PDS5A: variants seen among roughly 807,000 people sequenced by gnomAD.
The protein encoded by PDS5A is PDS5 cohesin associated factor A, also known as sister chromatid cohesion protein PDS5 homolog A.
A neutral mutation model predicts 167.1 loss-of-function variants in PDS5A; 42 were observed. The observed-to-expected ratio is 0.25, with a 90% confidence interval of 0.20 to 0.33. PDS5A has a LOEUF of 0.33. PDS5A is among the 10% of genes least tolerant of loss of function. The pLI, the probability that PDS5A is intolerant of heterozygous loss-of-function variation, is 1.00. For synonymous variants in PDS5A, 553 were observed against 554.6 expected (o/e 1.00, Z 0.04); for missense variants, 1,033 against 1,605.9 (o/e 0.64, Z 6.10).
intron 2 of PDS5A, among the ~76,000 whole-genome samples, chr4:39,968,028 T>C (rs1475100937): frequency 3.3e-5 from 5 of 152,232 alleles, no homozygotes; most frequent in African/African-American, 1.2e-4. Context: ...AATAGCTCTG[T>C]AGTAATCCAT....
At chr4:39,954,777 T>C (rs1728773278) in intron 2 of PDS5A, among the ~76,000 whole-genome samples, 1 of 150,686 alleles carries the variant, frequency 6.6e-6, no homozygotes, top group Non-Finnish European at 1.5e-5. Context: ...GAGAGCCTCA[T>C]GCCTGTTAAT....
chr4:39,866,070 G>A (rs746431577), intron 23 of PDS5A, among the ~76,000 whole-genome samples: 4 of 152,160 alleles, frequency 2.6e-5, no homozygotes, highest in Non-Finnish European at 4.4e-5. Context: ...AGAACAACAA[G>A]AAGGCTTCAA....
intron 21 of PDS5A, 46 bp from the exon 22 acceptor site, chr4:39,869,508 T>C (rs1465208819): frequency 9.4e-7 from 1 of 1,064,204 alleles, no homozygotes; most frequent in East Asian, 2.5e-5. Context: ...AAAAAAAAAA[T>C]TTATGTTTTT....
At chr4:39,883,440 CAA>C (rs1218069553) in intron 17 of PDS5A, among the ~76,000 whole-genome samples, 1 of 152,216 alleles carries the variant, frequency 6.6e-6, no homozygotes, top group Non-Finnish European at 1.5e-5. Context: ...TTCGGCCTCC[CAA>C]AGTGTTGGGA....
At chr4:39,835,813 G>A (rs1427658842) in intron 32 of PDS5A, among the ~76,000 whole-genome samples, 3 of 152,328 alleles carry the variant, frequency 2.0e-5, no homozygotes, top group Admixed American at 6.5e-5. Flanking sequence ...GTGAGCCACC[G>A]TGCCTGGCCA....
intron 7 of PDS5A, among the ~76,000 whole-genome samples, chr4:39,917,782 C>T (rs1661753168): frequency 1.3e-5 from 2 of 152,136 alleles, no homozygotes; most frequent in Non-Finnish European, 2.9e-5. Context: ...ACCGTGTTGG[C>T]CAGGCTGGTC....
In PDS5A at chr4:39,960,860, T is replaced by C. The variant is rs148854309; in HGVS notation, c.138+15580A>G. On this transcript the variant is annotated intron_variant, in intron 2 of 32. Coordinates refer to ENST00000303538, the MANE Select transcript of PDS5A (RefSeq NM_001100399.2). ...ACACGCCACCAAGTCCAGCTAATTT[T>C]TGTATTTTTAGTAGAGATAGGGTTT... Among the ~76,000 whole-genome samples the C allele has an allele frequency of 3.4e-3, 517 of 152,244 alleles. 1 individual carries two copies. Among genetic ancestry groups the C allele is most frequent in the African/African-American group, 0.012 (483 of 41,548 alleles).
chr4:39,940,153 G>C (rs998662274), intron 2 of PDS5A, among the ~76,000 whole-genome samples: 1 of 150,690 alleles, frequency 6.6e-6, no homozygotes, highest in Non-Finnish European at 1.5e-5. Context: ...AGCTACTTGG[G>C]AGGCTAAATG....
At chr4:39,944,178 C>T (rs377477251) in intron 2 of PDS5A, among the ~76,000 whole-genome samples, 2 of 88,222 alleles carry the variant, frequency 2.3e-5, no homozygotes, top group Admixed American at 2.7e-4. Flanking sequence ...GACTCCGTCT[C>T]AAAAAAAAAA....
In PDS5A at chr4:39,972,834, G is replaced by T. The variant is rs1051355712; in HGVS notation, c.138+3606C>A. 1.1e-3 allele frequency among the ~76,000 whole-genome samples: 162 copies of T among 151,830 alleles called. 14 individuals carry two copies. The highest frequency in any genetic ancestry group is 8.8e-5 in the Non-Finnish European group (6 of 67,980). ...ATTACAAGGAATGCTTTAAATTTTT[G>T]TACTTTGCTGAAAATTATTTTTCCC... is the stretch of plus-strand genomic sequence containing the variant. On this transcript the variant is annotated intron_variant, in intron 2 of 32. Coordinates refer to ENST00000303538, the MANE Select transcript of PDS5A (RefSeq NM_001100399.2).
rs952202346 is a variant in PDS5A, at chr4:39,824,527, T to A, written c.*958A>T. ...GCACAATGCTGAAAATTGATAGCAATCCTAAAACACCTCCAACTTTCCTTA... is the reference window on the plus strand; with the variant it reads ...GCACAATGCTGAAAATTGATAGCAAACCTAAAACACCTCCAACTTTCCTTA... On this transcript the variant is annotated 3_prime_UTR_variant, in exon 33 of 33. Coordinates refer to ENST00000303538, the MANE Select transcript of PDS5A (RefSeq NM_001100399.2). 6.6e-6 allele frequency: 1 copy of A among 152,554 alleles called. No individual in the cohort carries two copies. Among genetic ancestry groups the A allele is most frequent in the Non-Finnish European group, 1.5e-5 (1 of 68,036 alleles). The allele number at this position is 152,554 out of a possible 1,614,324, so 9.5% of individuals were successfully genotyped here. A position where few individuals can be genotyped will look rare whatever the true frequency, so the allele number is the denominator to read the frequency against.
intron 11 of PDS5A, among the ~76,000 whole-genome samples, chr4:39,906,666 C>G (rs559870012): frequency 3.7e-4 from 55 of 150,602 alleles, no homozygotes; most frequent in Admixed American, 1.2e-3. Flanking sequence ...CCTGTAGTAC[C>G]AGCTATTCAG....
intron 26 of PDS5A, among the ~76,000 whole-genome samples, chr4:39,851,382 A>G (rs1465174022): frequency 6.6e-6 from 1 of 150,990 alleles, no homozygotes; most frequent in Admixed American, 6.6e-5. Flanking sequence ...CCCAGCAACC[A>G]TGGTGTCCTG....
At chr4:39,950,077 C>T (rs13150796) in intron 2 of PDS5A, among the ~76,000 whole-genome samples, 3 of 151,794 alleles carry the variant, frequency 2.0e-5, no homozygotes, top group Non-Finnish European at 4.4e-5. Flanking sequence ...GGCTTATTTT[C>T]TATGTTTTTA....
intron 11 of PDS5A, among the ~76,000 whole-genome samples, chr4:39,906,902 T>C (rs1198342519): frequency 7.0e-6 from 1 of 142,232 alleles, no homozygotes; most frequent in East Asian, 2.0e-4. Context: ...CAAAAGCCTT[T>C]TGAGATTTCT....
intron 32 of PDS5A, among the ~76,000 whole-genome samples, chr4:39,836,615 A>ATTTTTTTTTTTTTTTTTTTT (rs71645192): frequency 9.4e-6 from 1 of 106,162 alleles, no homozygotes; most frequent in African/African-American, 3.7e-5. Context: ...ATTTTTTTCT[A>ATTTTTTTTTTTTTTTTTTTT]TTTTTTTTTT....
intron 2 of PDS5A, among the ~76,000 whole-genome samples, chr4:39,929,932 G>T (rs1487706346): frequency 6.6e-6 from 1 of 150,996 alleles, no homozygotes; most frequent in Non-Finnish European, 1.5e-5. Flanking sequence ...AAAAATTTGG[G>T]GGGCCGGGCG....
At chr4:39,930,255 GTTTTTTGTT>G (rs1725931454) in intron 2 of PDS5A, among the ~76,000 whole-genome samples, 1 of 80,512 alleles carries the variant, frequency 1.2e-5, no homozygotes, top group Non-Finnish European at 2.5e-5. Context: ...AAGTTTTTTT[GTTTTTTGTT>G]TTTTTTTTTT....
At chr4:39,884,318 G>A (rs913679541) in intron 17 of PDS5A, among the ~76,000 whole-genome samples, 6 of 152,204 alleles carry the variant, frequency 3.9e-5, no homozygotes, top group African/African-American at 1.4e-4. Context: ...TTAGAAGGGT[G>A]ACAAGGCTAT....
Sources: allele counts gnomAD v4.1 joint callset (sites outside exome capture counted in the v4.1 genomes callset), GRCh38; gene constraint gnomAD v4.1.1; transcripts MANE v1.5; gene names NCBI Gene and HGNC (gene_info 2026-07-23, HGNC 2026-07-21).